MACROD2: variants seen among roughly 807,000 people sequenced by gnomAD.
The protein encoded by MACROD2 is ADP-ribose glycohydrolase MACROD2.
A neutral mutation model predicts 70.4 loss-of-function variants in MACROD2; 36 were observed. The observed-to-expected ratio is 0.51, with a 90% confidence interval of 0.39 to 0.68. The LOEUF (loss-of-function observed/expected upper bound fraction) is 0.68. Among genes scored for constraint, MACROD2 ranks in the 30% least tolerant of loss-of-function variants. MACROD2 has a pLI of 0.00. For missense variants in MACROD2, 496 were observed against 538.4 expected (o/e 0.92, Z 0.78); for synonymous variants, 172 against 178.8 (o/e 0.96, Z 0.30).
At chr20:15,538,039 G>A (rs906967642) in intron 8 of MACROD2, among the ~76,000 whole-genome samples, 4 of 152,140 alleles carry the variant, frequency 2.6e-5, no homozygotes, top group African/African-American at 7.2e-5. Flanking sequence ...TAATATGGTT[G>A]GATATGTCTT....
At chr20:14,814,540 T>A (rs1351063601) in intron 5 of MACROD2, among the ~76,000 whole-genome samples, 1 of 152,072 alleles carries the variant, frequency 6.6e-6, no homozygotes, top group East Asian at 1.9e-4. Flanking sequence ...ATTAAAGTTT[T>A]GTAATAAGAG....
In MACROD2 at chr20:14,349,115, G is replaced by A. The variant is rs1601517100; in HGVS notation, c.272-144364G>A. Among the ~76,000 whole-genome samples the A allele has an allele frequency of 2.7e-5, 4 of 149,442 alleles. No individual in the cohort carries two copies. In the East Asian group the frequency reaches 7.8e-4, roughly 29 times the overall value. On this transcript the variant is annotated intron_variant, in intron 3 of 17. Coordinates refer to ENST00000684519, the MANE Select transcript of MACROD2 (RefSeq NM_001351661.2). ...AATAAATGGAAAATAAAAATAATCT[G>A]AATTCCCACTATCCAGTATTAACAT...
intron 5 of MACROD2, among the ~76,000 whole-genome samples, chr20:14,862,665 AT>A (rs1475962357): frequency 1.4e-4 from 7 of 48,776 alleles, no homozygotes; most frequent in African/African-American, 3.3e-4. Flanking sequence ...AAATATATAT[AT>A]AAATATATAT....
intron 5 of MACROD2, among the ~76,000 whole-genome samples, chr20:15,161,926 G>C (rs402995): frequency 0.52 from 78,255 of 151,804 alleles, 20,272 homozygotes; most frequent in East Asian, 0.56. Flanking sequence ...ATCCTGACTA[G>C]AAGTCAAAAC....
At chr20:14,211,333 A>C (rs2081569131) in intron 3 of MACROD2, among the ~76,000 whole-genome samples, 1 of 152,174 alleles carries the variant, frequency 6.6e-6, no homozygotes, top group Admixed American at 6.6e-5. Flanking sequence ...GCCTCTGAAA[A>C]TCAAAAGTTT....
chr20:14,280,348 A>C (rs1337098457), intron 3 of MACROD2, among the ~76,000 whole-genome samples: 6 of 152,218 alleles, frequency 3.9e-5, no homozygotes, highest in Admixed American at 1.3e-4. Flanking sequence ...TGGAAGATAT[A>C]TGCTTAATGT....
chr20:15,792,482 GA>G (rs2063633845), intron 8 of MACROD2, among the ~76,000 whole-genome samples: 1 of 151,898 alleles, frequency 6.6e-6, no homozygotes, highest in African/African-American at 2.4e-5. Context: ...AATTAGTAAG[GA>G]AAAAATACAC....
intron 3 of MACROD2, among the ~76,000 whole-genome samples, chr20:14,158,298 G>A (rs779677720): frequency 2.6e-5 from 4 of 152,046 alleles, no homozygotes; most frequent in Non-Finnish European, 4.4e-5. Flanking sequence ...AAACTATTGA[G>A]TTGTTTGAGT....
At chr20:15,346,169 C>T (rs4813180) in intron 6 of MACROD2, among the ~76,000 whole-genome samples, 27,317 of 151,846 alleles carry the variant, frequency 0.18, 2,724 homozygotes, top group Non-Finnish European at 0.23. Context: ...TCACTGCATC[C>T]TCAAACTTCT....
chr20:14,907,749 G>C (rs529446438), intron 5 of MACROD2, among the ~76,000 whole-genome samples: 1 of 152,074 alleles, frequency 6.6e-6, no homozygotes, highest in African/African-American at 2.4e-5. Context: ...GAGAATTGGC[G>C]GGGACTAGAT....
At chr20:15,841,923 G>A (rs1233332906) in intron 8 of MACROD2, among the ~76,000 whole-genome samples, 2 of 152,096 alleles carry the variant, frequency 1.3e-5, no homozygotes, top group African/African-American at 4.8e-5. Flanking sequence ...ATATAGTAAT[G>A]GGACTTGGAC....
rs553563105 is a variant in MACROD2 at position 14,913,765 on chromosome 20, G to A, written c.418+228806G>A. On this transcript the variant is annotated intron_variant, in intron 5 of 17. Coordinates refer to ENST00000684519, the MANE Select transcript of MACROD2 (RefSeq NM_001351661.2). ...TGTGCCTTCCCAGCTGCCCTACCCC[G>A]ACCCTATGTCAGACTGTGATTTGTA... Among the ~76,000 whole-genome samples the A allele has an allele frequency of 1.2e-4, 18 of 152,122 alleles. No homozygotes were observed. The East Asian group carries it at 1.7e-3, about 15-fold the overall frequency.
At chr20:15,093,626 A>G (rs530032976) in intron 5 of MACROD2, among the ~76,000 whole-genome samples, 17 of 152,276 alleles carry the variant, frequency 1.1e-4, no homozygotes, top group Middle Eastern at 3.4e-3. Context: ...TACCTCACTA[A>G]TTTTGAGGAA....
chr20:14,608,032 C>T (rs1441458768), intron 4 of MACROD2, among the ~76,000 whole-genome samples: 3 of 152,092 alleles, frequency 2.0e-5, no homozygotes, highest in African/African-American at 7.2e-5. Flanking sequence ...GTGGGTGGAT[C>T]ACCTGAGGTC....
chr20:14,472,473 C>T (rs572592423), intron 3 of MACROD2, among the ~76,000 whole-genome samples: 1 of 152,122 alleles, frequency 6.6e-6, no homozygotes, highest in Non-Finnish European at 1.5e-5. Context: ...TTAATCCCCA[C>T]AATCATATAC....
intron 6 of MACROD2, among the ~76,000 whole-genome samples, chr20:15,380,785 A>G (rs2045632499): frequency 6.6e-6 from 1 of 152,206 alleles, no homozygotes; most frequent in African/African-American, 2.4e-5. Context: ...TTGAGAAAAT[A>G]TTAATAATGC....
intron 8 of MACROD2, among the ~76,000 whole-genome samples, chr20:15,568,942 TC>T (rs1216977718): frequency 3.9e-5 from 6 of 152,136 alleles, no homozygotes; most frequent in Admixed American, 3.3e-4. Context: ...AGGGGCCTCC[TC>T]ATCCACAGCT....
intron 5 of MACROD2, among the ~76,000 whole-genome samples, chr20:14,914,474 T>A (rs6042994): frequency 0.89 from 134,702 of 152,194 alleles, 59,668 homozygotes; most frequent in East Asian, 1. Context: ...GATCAAGATC[T>A]ATATGAGAGC....
intron 4 of MACROD2, among the ~76,000 whole-genome samples, chr20:14,580,770 A>G (rs1980962590): frequency 6.6e-6 from 1 of 152,242 alleles, no homozygotes; most frequent in South Asian, 2.1e-4. Context: ...CAAACACTTC[A>G]GTAGACATAT....
Sources: gnomAD v4.1 joint callset for allele counts (sites outside exome capture counted in the v4.1 genomes callset) on GRCh38, gnomAD v4.1.1 for gene constraint, MANE v1.5 for transcripts, NCBI Gene and HGNC (gene_info 2026-07-23, HGNC 2026-07-21) for gene names.